Variants in LIMCH1 observed in about 807,000 individuals in gnomAD.
LIMCH1 encodes the protein LIM and calponin homology domains 1, also known as LIM and calponin homology domains-containing protein 1.
Under a neutral mutation model 176.5 loss-of-function variants are expected in LIMCH1, and 113 were observed. The observed-to-expected ratio is 0.64, with a 90% CI of 0.55 to 0.75. The LOEUF is 0.75. LIMCH1 is among the 30% of genes least tolerant of loss of function. The probability of loss-of-function intolerance (pLI) is 0.00; values close to 1 mark genes in which losing one functional copy is unlikely to be tolerated. For synonymous variants in LIMCH1, 619 were observed against 645.9 expected, an observed-to-expected ratio of 0.96 and a Z score of 0.63; for missense variants, 1,674 against 1,814.9, an observed-to-expected ratio of 0.92 and a Z score of 1.41.
intron 1 of LIMCH1, among the ~76,000 whole-genome samples, chr4:41,416,231 A>G (rs887422192): frequency 5.3e-5 from 8 of 152,206 alleles, no homozygotes; most frequent in Non-Finnish European, 1.0e-4. Context: ...AAATGAATAA[A>G]TGTAAATAGT....
At chr4:41,530,389 C>T (rs892296280) in intron 3 of LIMCH1, among the ~76,000 whole-genome samples, 2 of 152,190 alleles carry the variant, frequency 1.3e-5, no homozygotes, top group Admixed American at 6.5e-5. Context: ...TGCCTCAACT[C>T]ATCCTGATCA....
chr4:41,562,281 G>C (rs542151459), intron 1 of LIMCH1, among the ~76,000 whole-genome samples: 1 of 152,226 alleles, frequency 6.6e-6, no homozygotes, highest in East Asian at 1.9e-4. Context: ...AGAGTGATTG[G>C]GGTGTACGAG....
At chr4:41,619,167 T>A in intron 5 of LIMCH1, 21 bp from the exon 6 acceptor site, 1 of 1,611,964 alleles carries the variant, frequency 6.2e-7, no homozygotes, top group Non-Finnish European at 8.5e-7. Flanking sequence ...ACTTTCTCAG[T>A]ACCCATCCTC....
intron 1 of LIMCH1, among the ~76,000 whole-genome samples, chr4:41,567,653 G>A (rs1215529087): frequency 6.6e-6 from 1 of 152,202 alleles, no homozygotes; most frequent in African/African-American, 2.4e-5. Flanking sequence ...GGAACCTGGG[G>A]CTTAGACAGA....
intron 1 of LIMCH1, among the ~76,000 whole-genome samples, chr4:41,479,876 C>T (rs944368484): frequency 2.0e-5 from 3 of 152,092 alleles, no homozygotes; most frequent in Non-Finnish European, 2.9e-5. Flanking sequence ...TGGGCTTCCC[C>T]GTGTGATTTT....
chr4:41,675,714 C>T (rs1006594851), intron 22 of LIMCH1, among the ~76,000 whole-genome samples: 11 of 146,800 alleles, frequency 7.5e-5, no homozygotes, highest in African/African-American at 2.7e-4. Context: ...GCACCTGCTT[C>T]GGTTCATGGA....
At position 41,613,519 on chromosome 4, in the gene LIMCH1, C is replaced by A. The variant is rs146605098; in HGVS notation, c.63C>A (p.Ile21=). The A allele has an allele frequency of 6.2e-7, 1 of 1,614,040 alleles. No individual in the cohort carries two copies. The highest frequency in any genetic ancestry group is 8.5e-7 in the Non-Finnish European group (1 of 1,179,986). The part of the protein sequence containing the change: ...PKRSIRDSGY[I]DCWDSERSDS... ...GCAGTATCCGAGACAGTGGCTACAT[C>A]GACTGCTGGGATTCCGAGCGCAGCG... Residue 21 remains isoleucine, a synonymous_variant, in exon 5 of 32, where the codon ATC becomes ATA. Coordinates refer to ENST00000503057, the MANE Select transcript of LIMCH1 (RefSeq NM_001330672.2).
At chr4:41,538,116 G>C, upstream of LIMCH1, 1 of 968,860 alleles carries the variant, frequency 1.0e-6, no homozygotes, top group Non-Finnish European at 1.2e-6. Context: ...TCTCCAATAG[G>C]TGTGGCAATC....
At chr4:41,596,989 T>G (rs2088966368) in intron 1 of LIMCH1, among the ~76,000 whole-genome samples, 1 of 152,172 alleles carries the variant, frequency 6.6e-6, no homozygotes, top group Non-Finnish European at 1.5e-5. Context: ...ATCTTCTTCC[T>G]TTTTAGTACT....
chr4:41,382,880 C>T (rs1055249067), intron 1 of LIMCH1, among the ~76,000 whole-genome samples: 9 of 152,194 alleles, frequency 5.9e-5, no homozygotes, highest in Non-Finnish European at 1.2e-4. Context: ...CAGCCTCGAC[C>T]TCCTGGGCCA....
At chr4:41,414,369 C>T (rs935008257) in intron 1 of LIMCH1, among the ~76,000 whole-genome samples, 4 of 151,832 alleles carry the variant, frequency 2.6e-5, no homozygotes, top group Non-Finnish European at 4.4e-5. Context: ...ACCGTTATCC[C>T]GATCTACCCC....
At chr4:41,366,257 C>T (rs2052962689) in intron 1 of LIMCH1, among the ~76,000 whole-genome samples, 1 of 151,948 alleles carries the variant, frequency 6.6e-6, no homozygotes, top group Admixed American at 6.6e-5. Context: ...TACAGTTGGC[C>T]CCTCGAAGTG....
intron 18 of LIMCH1, among the ~76,000 whole-genome samples, chr4:41,654,475 C>T (rs2094407660): frequency 6.6e-6 from 1 of 152,162 alleles, no homozygotes; most frequent in South Asian, 2.1e-4. Context: ...ACATCTTTGA[C>T]TTAACGATGT....
chr4:41,433,944 A>T (rs1464458618), intron 1 of LIMCH1, among the ~76,000 whole-genome samples: 1 of 152,150 alleles, frequency 6.6e-6, no homozygotes, highest in Non-Finnish European at 1.5e-5. Context: ...GCTGGTGGGA[A>T]CACCAAGGGC....
intron 1 of LIMCH1, among the ~76,000 whole-genome samples, chr4:41,366,333 A>C (rs1234739367): frequency 2.0e-5 from 3 of 152,192 alleles, no homozygotes; most frequent in African/African-American, 7.2e-5. Flanking sequence ...AGAATCAGTT[A>C]ACACTGGTTG....
intron 1 of LIMCH1, among the ~76,000 whole-genome samples, chr4:41,486,646 A>G (rs1436878227): frequency 2.0e-5 from 3 of 152,194 alleles, no homozygotes; most frequent in East Asian, 3.8e-4. Context: ...TTAGTTTAGT[A>G]TACGAGGTGA....
At chr4:41,448,978 C>A (rs1327708124) in intron 1 of LIMCH1, among the ~76,000 whole-genome samples, 1 of 151,872 alleles carries the variant, frequency 6.6e-6, no homozygotes, top group Non-Finnish European at 1.5e-5. Flanking sequence ...TGTACTGATA[C>A]AGTATTACAT....
chr4:41,691,552 G>C (rs1262163197), intron 30 of LIMCH1, among the ~76,000 whole-genome samples: 1 of 144,296 alleles, frequency 6.9e-6, no homozygotes, highest in African/African-American at 2.6e-5. Flanking sequence ...TTCGAGACCA[G>C]CCTGGCCAAC....
At chr4:41,430,942 T>A (rs1219486050) in intron 1 of LIMCH1, among the ~76,000 whole-genome samples, 2 of 152,242 alleles carry the variant, frequency 1.3e-5, no homozygotes, top group African/African-American at 4.8e-5. Context: ...ACCAGCATTA[T>A]GGCTTCATGA....
Sources: gnomAD v4.1 joint callset for allele counts (sites outside exome capture counted in the v4.1 genomes callset) on GRCh38, gnomAD v4.1.1 for gene constraint, MANE v1.5 for transcripts, NCBI Gene and HGNC (gene_info 2026-07-23, HGNC 2026-07-21) for gene names.